SPECC1: variants seen among roughly 807,000 people sequenced by gnomAD.
SPECC1 encodes the protein cytospin-B.
A neutral mutation model predicts 104.1 loss-of-function variants in SPECC1; 62 were observed. The observed-to-expected ratio is 0.60, with a 90% CI of 0.49 to 0.74. The LOEUF (loss-of-function observed/expected upper bound fraction) is 0.74, where lower values mean the gene tolerates loss of function less well. Among genes scored for constraint, SPECC1 ranks in the 30% least tolerant of loss-of-function variants. The pLI is 0.00. For missense variants in SPECC1, 1,306 were observed against 1,310.5 expected (o/e 1.00, Z 0.05); for synonymous variants, 513 against 501.6 (o/e 1.02, Z -0.30).
intron 12 of SPECC1, among the ~76,000 whole-genome samples, chr17:20,265,660 C>A (rs373814663): frequency 5.7e-4 from 87 of 152,256 alleles, no homozygotes; most frequent in South Asian, 1.7e-3. Flanking sequence ...GCCAAAAATT[C>A]TTTGCTAAGG....
chr17:20,253,530 G>A lies in SPECC1; in HGVS notation c.2624G>A (p.Arg875Gln), dbSNP rs758717249. 13 of 1,613,844 alleles carry A rather than the reference G, an allele frequency of 8.1e-6. No individual in the cohort carries two copies. The highest frequency in any genetic ancestry group is 1.7e-5 in the Admixed American group (1 of 59,996). The change falls in exon 10 of 15, where the codon CGG becomes CAG. Residue 875 changes from arginine (R) to glutamine (Q), a missense_variant. Arg to Gln is a conservative substitution (Grantham distance 43, BLOSUM62 1). This residue lies in a region of SPECC1 where 1,177 missense variants were observed against 1,139.9 expected (regional missense o/e 1.03). Transcript: ENST00000395527. The part of the protein sequence containing the change: ...MQRHSTYSSV[R>Q]PASRGVTQRL... The stretch of plus-strand genomic sequence containing the variant: ...AGGCATTCGACTTACAGCAGTGTGC[G>A]GCCAGCCAGCAGAGGGGTGACTCAA...
At chr17:20,027,788 T>G (rs1031192651) in intron 1 of SPECC1, among the ~76,000 whole-genome samples, 32 of 152,202 alleles carry the variant, frequency 2.1e-4, no homozygotes, top group African/African-American at 7.5e-4. Context: ...CCATGCTGTT[T>G]TGGTTACTGT....
chr17:20,311,387 T>G (rs368496440), intron 14 of SPECC1, among the ~76,000 whole-genome samples: 36 of 145,652 alleles, frequency 2.5e-4, no homozygotes, highest in Non-Finnish European at 3.6e-4. Flanking sequence ...TTTTTTTGTT[T>G]TTGTTTTTGT....
At chr17:20,072,096 C>G (rs531740030) in intron 1 of SPECC1, among the ~76,000 whole-genome samples, 61 of 152,314 alleles carry the variant, frequency 4.0e-4, no homozygotes, top group African/African-American at 1.4e-3. Flanking sequence ...GAGAGACTCT[C>G]TAATCTGGAA....
intron 1 of SPECC1, among the ~76,000 whole-genome samples, chr17:20,064,438 C>A (rs1448132024): frequency 6.6e-6 from 1 of 152,194 alleles, no homozygotes; most frequent in South Asian, 2.1e-4. Flanking sequence ...GCTAATTAAA[C>A]AAATGCAAAT....
intron 12 of SPECC1, among the ~76,000 whole-genome samples, chr17:20,262,594 T>C (rs1276526013): frequency 2.0e-5 from 3 of 152,170 alleles, no homozygotes; most frequent in South Asian, 2.1e-4. Context: ...CTCTTTAAAA[T>C]TGGCAATTCC....
rs1472120361 is a variant in SPECC1, at chr17:20,205,743, C to A, written c.1694C>A (p.Ala565Asp). 7.4e-6 allele frequency: 12 copies of A among 1,614,016 alleles called. No homozygotes were observed. The highest frequency in any genetic ancestry group is 1.0e-5 in the Non-Finnish European group (12 of 1,180,036). Residue 565 changes from alanine to aspartate, a missense_variant, in exon 4 of 15, where the codon GCC becomes GAC. Ala to Asp is a moderately radical substitution (Grantham distance 126, BLOSUM62 -2). Around this residue, in one of 2 missense-constraint regions of SPECC1, gnomAD observed 1,177 missense variants for 1,139.9 expected, o/e 1.03. Coordinates refer to ENST00000395527, the MANE Select transcript of SPECC1 (RefSeq NM_001243439.2). ...CATTTGCAGGGTGAGAAGCAGAAAG[C>A]CACAGAGGCCAGTGCTGTGGAGCAG... ...KSHLQGEKQK[A>D]TEASAVEQTA...
intron 12 of SPECC1, among the ~76,000 whole-genome samples, chr17:20,288,771 C>CT (rs60578647): frequency 0.01 from 770 of 73,496 alleles, 9 homozygotes; most frequent in Non-Finnish European, 0.013. Flanking sequence ...AAGGGCACTT[C>CT]TTTTTTTTTT....
At chr17:20,118,577 C>A (rs932393752) in intron 3 of SPECC1, among the ~76,000 whole-genome samples, 10 of 152,022 alleles carry the variant, frequency 6.6e-5, no homozygotes, top group Non-Finnish European at 1.3e-4. Context: ...ATGGTATAAC[C>A]TTAATTTGGT....
chr17:20,093,334 C>G (rs2152501943), intron 1 of SPECC1, among the ~76,000 whole-genome samples: 1 of 152,304 alleles, frequency 6.6e-6, no homozygotes, highest in South Asian at 2.1e-4. Context: ...CTCCCAGATG[C>G]CCTACCTCCT....
rs559937722 is a variant in SPECC1 at position 20,024,147 on chromosome 17, G to A, written c.-22+14723G>A. Among the ~76,000 whole-genome samples, 45 of 152,302 alleles carry A rather than the reference G, an allele frequency of 3.0e-4. 3 individuals are homozygous for A. The South Asian group carries it at 9.1e-3, about 31-fold the overall frequency. On this transcript the variant is annotated intron_variant, in intron 1 of 14. Coordinates refer to ENST00000395527, the MANE Select transcript of SPECC1 (RefSeq NM_001243439.2). ...TTTCCATTTTATTTAATAAAATGGG[G>A]TAGCTATATAATCGTCTTGAGAGAT...
At chr17:20,303,309 A>G (rs1203205350) in intron 13 of SPECC1, among the ~76,000 whole-genome samples, 3 of 152,222 alleles carry the variant, frequency 2.0e-5, no homozygotes, top group Admixed American at 6.5e-5. Context: ...CTCCCCTCTC[A>G]GCAGAACAGA....
intron 1 of SPECC1, among the ~76,000 whole-genome samples, chr17:20,014,764 AT>A (rs1368738830): frequency 2.0e-5 from 3 of 148,824 alleles, no homozygotes; most frequent in Non-Finnish European, 3.0e-5. Context: ...CTAGGAGTGG[AT>A]TTTTTTTTTG....
At chr17:20,145,424 G>A (rs929510161) in intron 3 of SPECC1, among the ~76,000 whole-genome samples, 2 of 152,196 alleles carry the variant, frequency 1.3e-5, no homozygotes, top group Non-Finnish European at 2.9e-5. Flanking sequence ...CAAAAAGGGT[G>A]CAGGTTCTTT....
intron 7 of SPECC1, among the ~76,000 whole-genome samples, chr17:20,236,655 C>CTTTTT (rs34779112): frequency 1.6e-5 from 2 of 126,032 alleles, no homozygotes; most frequent in East Asian, 2.4e-4. Context: ...TGCAGTCTGG[C>CTTTTT]TTTTTTTTTT....
At chr17:20,227,341 C>A in intron 4 of SPECC1, 72 bp from the exon 5 acceptor site, 1 of 1,324,080 alleles carries the variant, frequency 7.6e-7, no homozygotes, top group Non-Finnish European at 1.1e-6. Flanking sequence ...TGGGGCTTGG[C>A]CTTCTAGTGT....
intron 9 of SPECC1, among the ~76,000 whole-genome samples, chr17:20,248,658 CTT>C (rs1250284832): frequency 1.3e-5 from 2 of 152,170 alleles, no homozygotes; most frequent in Non-Finnish European, 2.9e-5. Flanking sequence ...CCATTTATCT[CTT>C]GTGTGTCGGT....
chr17:20,155,957 A>C (rs1015580687), intron 3 of SPECC1: 9 of 1,250,558 alleles, frequency 7.2e-6, no homozygotes, highest in Non-Finnish European at 9.0e-6. Flanking sequence ...GGCAGGATGC[A>C]GATGAAGGGG....
In SPECC1 at chr17:20,096,841, C is replaced by T. The variant is rs200134258; in HGVS notation, c.147+43C>T. The T allele has an allele frequency of 2.3e-5, 36 of 1,582,226 alleles. No individual in the cohort carries two copies. In the African/African-American group the frequency reaches 3.5e-4, roughly 15 times the overall value. On this transcript the variant is annotated intron_variant, in intron 2 of 14. Transcript: ENST00000395527. ...CAGGGCCAGGCAGAGCGCCTGGATACCCTGGGTTGGGAGGATTGAAGAGGG... is the reference window on the plus strand; with the variant it reads ...CAGGGCCAGGCAGAGCGCCTGGATATCCTGGGTTGGGAGGATTGAAGAGGG...
Sources: gnomAD v4.1 joint callset for allele counts (sites outside exome capture counted in the v4.1 genomes callset) on GRCh38, gnomAD v4.1.1 for gene constraint, gnomAD v4.1.1 regional missense constraint, MANE v1.5 for transcripts, NCBI Gene and HGNC (gene_info 2026-07-23, HGNC 2026-07-21) for gene names.